The following EVL variants were observed in gnomAD, a reference collection of about 807,000 sequenced individuals.
The protein encoded by EVL is Enah/Vasp-like, also known as ena/VASP-like protein.
In EVL, 21 loss-of-function variants were observed where a neutral mutation model predicts 59.6. That is an observed-to-expected ratio of 0.35 (90% confidence interval 0.25 to 0.51). The LOEUF is 0.51. Ranked by LOEUF, EVL falls within the 20% of genes least tolerant of loss-of-function variation. The probability of loss-of-function intolerance (pLI) is 0.97; values close to 1 mark genes in which losing one functional copy is unlikely to be tolerated. For synonymous variants in EVL, 198 were observed against 203.5 expected (o/e 0.97, Z 0.23); for missense variants, 462 against 546.6 (o/e 0.85, Z 1.54).
intron 1 of EVL, among the ~76,000 whole-genome samples, chr14:100,043,265 GTATA>G (rs200327736): frequency 6.6e-6 from 1 of 150,982 alleles, no homozygotes; most frequent in African/African-American, 2.5e-5. Context: ...ATGTGTGTGT[GTATA>G]TATATATGTG....
intron 1 of EVL, among the ~76,000 whole-genome samples, chr14:99,997,840 C>T (rs1185540266): frequency 1.3e-5 from 2 of 152,112 alleles, no homozygotes; most frequent in African/African-American, 4.8e-5. Flanking sequence ...CTCTCCTTTC[C>T]TAAGGGGAAA....
intron 1 of EVL, among the ~76,000 whole-genome samples, chr14:100,080,862 G>A (rs1256847858): frequency 2.0e-5 from 3 of 152,216 alleles, no homozygotes; most frequent in Non-Finnish European, 4.4e-5. Flanking sequence ...AAAGAAGCCT[G>A]TGAGACTTGA....
chr14:100,044,808 C>T (rs2061523654), intron 1 of EVL, among the ~76,000 whole-genome samples: 1 of 152,086 alleles, frequency 6.6e-6, no homozygotes, highest in South Asian at 2.1e-4. Context: ...CCCAGTATAG[C>T]TTGGATGTAA....
At chr14:100,133,100 G>T (rs941898) in intron 8 of EVL, among the ~76,000 whole-genome samples, 122,289 of 152,238 alleles carry the variant, frequency 0.8, 49,463 homozygotes, top group African/African-American at 0.9. Context: ...CAGGGTCTCG[G>T]CGGGACTGGG....
rs1326672566 is a variant in EVL, at chr14:100,065,475, G to A, written c.-26G>A. ...GGAGTACAGGACTCGCCTCCTCAGG[G>A]TTCCCTGTGCTGCCACTTTTCAGCC... On this transcript the variant is annotated 5_prime_UTR_variant, in exon 1 of 14. Transcript: ENST00000392920. The A allele has an allele frequency of 1.3e-6, 2 of 1,502,634 alleles. No homozygotes were observed. The highest frequency in any genetic ancestry group is 1.8e-6 in the Non-Finnish European group (2 of 1,112,948). 93.1% of individuals were successfully genotyped at this position (1,502,634 alleles called of 1,614,324 possible).
intron 1 of EVL, chr14:99,974,964 C>A (rs1306702085): frequency 2.6e-5 from 4 of 152,608 alleles, no homozygotes; most frequent in Non-Finnish European, 5.9e-5. Flanking sequence ...GCTTCAGGGA[C>A]TTAATCTTCA....
chr14:100,060,430 C>CAA (rs58767352), upstream of EVL, among the ~76,000 whole-genome samples: 330 of 63,510 alleles, frequency 5.2e-3, 4 homozygotes, highest in African/African-American at 0.016. Context: ...GACTCCGTCT[C>CAA]AAAAAAAAAA....
At position 100,052,112 on chromosome 14, in the gene EVL, C is replaced by T. The variant is rs576428618; in HGVS notation, c.6-32575C>T. ...AGGCTACCAACTCATGGTGCATCCC[C>T]ATGCCTTACCTATCTGGTAGTTGGT... is the stretch of plus-strand genomic sequence containing the variant. On this transcript the variant is annotated intron_variant, in intron 1 of 13. Transcript: ENST00000402714. 4.2e-4 allele frequency among the ~76,000 whole-genome samples: 64 copies of T among 152,344 alleles called. No individual in the cohort carries two copies. The Middle Eastern group carries it at 0.02, about 49-fold the overall frequency.
chr14:99,979,784 G>A (rs182160354), intron 1 of EVL, among the ~76,000 whole-genome samples: 1 of 152,184 alleles, frequency 6.6e-6, no homozygotes, highest in Non-Finnish European at 1.5e-5. Flanking sequence ...CAGGAGAATG[G>A]TGCGAACCCG....
chr14:99,979,552 G>A (rs2060792977), intron 1 of EVL, among the ~76,000 whole-genome samples: 1 of 151,778 alleles, frequency 6.6e-6, no homozygotes, highest in Non-Finnish European at 1.5e-5. Flanking sequence ...AACCAACCTT[G>A]GATGGAAATA....
intron 3 of EVL, among the ~76,000 whole-genome samples, chr14:100,119,449 C>T (rs184081653): frequency 6.6e-6 from 1 of 152,312 alleles, no homozygotes; most frequent in East Asian, 1.9e-4. Context: ...TGAGAACCAC[C>T]ACCACTCATC....
At chr14:100,123,061 C>T (rs1046042618) in intron 3 of EVL, among the ~76,000 whole-genome samples, 21 of 152,340 alleles carry the variant, frequency 1.4e-4, no homozygotes, top group Admixed American at 1.2e-3. Flanking sequence ...CCAAGACATC[C>T]GCCAGCTGTC....
At chr14:100,117,720 G>C (rs764428211) in intron 3 of EVL, among the ~76,000 whole-genome samples, 3 of 152,150 alleles carry the variant, frequency 2.0e-5, no homozygotes, top group African/African-American at 4.8e-5. Flanking sequence ...CAATAAACTT[G>C]AGTTCTCTCC....
intron 1 of EVL, among the ~76,000 whole-genome samples, chr14:99,977,702 G>A (rs771105427): frequency 2.6e-5 from 4 of 152,030 alleles, no homozygotes; most frequent in Non-Finnish European, 5.9e-5. Context: ...CCAAAGTGCT[G>A]GGATTATAGG....
chr14:100,034,234 CAAAAA>C lies in EVL; in HGVS notation c.6-50441_6-50437del, dbSNP rs548491187. Among the ~76,000 whole-genome samples the C allele has an allele frequency of 1.1e-4, 10 of 90,936 alleles. 1 individual carries two copies. Among genetic ancestry groups the C allele is most frequent in the African/African-American group, 3.3e-4 (9 of 27,562 alleles). The allele number at this position is 90,936 out of a possible 152,430, so 59.7% of individuals were successfully genotyped here. A position where few individuals can be genotyped will look rare whatever the true frequency, so the allele number is the denominator to read the frequency against. ...TGGGCAACAGAGCTAGAATCTGTCT[CAAAAA>C]AAAAAAAAAAAGAAAAAGAAAAGAA... is the stretch of plus-strand genomic sequence containing the variant. On this transcript the variant is annotated intron_variant, in intron 1 of 13. Transcript: ENST00000402714.
At chr14:100,027,483 A>G (rs1014774483) in intron 1 of EVL, among the ~76,000 whole-genome samples, 1 of 152,050 alleles carries the variant, frequency 6.6e-6, no homozygotes, top group African/African-American at 2.4e-5. Flanking sequence ...GCTCCCATAT[A>G]TTAGTGAGAA....
rs114778668 is a variant in EVL at position 100,004,376 on chromosome 14, T to G, written c.5+32319T>G. ...GAAAATGGCAAGATGCAAGAAAGGT[T>G]GAACTTTGGGTTAAAAAAAATTACA... On this transcript the variant is annotated intron_variant, in intron 1 of 13. Transcript: ENST00000402714. Among the ~76,000 whole-genome samples the G allele has an allele frequency of 6.2e-3, 950 of 152,314 alleles. 12 individuals are homozygous for G. Among genetic ancestry groups the G allele is most frequent in the African/African-American group, 0.022 (911 of 41,574 alleles).
intron 1 of EVL, among the ~76,000 whole-genome samples, chr14:100,019,872 T>A (rs2061090579): frequency 6.6e-6 from 1 of 152,124 alleles, no homozygotes; most frequent in East Asian, 1.9e-4. Context: ...GTCAGGGGTG[T>A]TTACTGTGTG....
intron 1 of EVL, among the ~76,000 whole-genome samples, chr14:99,995,002 T>G (rs1310445270): frequency 6.6e-6 from 1 of 152,246 alleles, no homozygotes; most frequent in African/African-American, 2.4e-5. Flanking sequence ...AGATTCCTAC[T>G]TAGAAATTAT....
Sources: gnomAD v4.1 joint callset for allele counts (sites outside exome capture counted in the v4.1 genomes callset) on GRCh38, gnomAD v4.1.1 for gene constraint, MANE v1.5 for transcripts, NCBI Gene and HGNC (gene_info 2026-07-23, HGNC 2026-07-21) for gene names.